Variants in ZC3H12B observed in about 807,000 individuals in gnomAD.
The protein encoded by ZC3H12B is zinc finger CCCH-type containing 12B.
Under a neutral mutation model 43.9 loss-of-function variants are expected in ZC3H12B, and 7 were observed. That is an observed-to-expected ratio of 0.16 (90% CI 0.09 to 0.30). The LOEUF is 0.30. Ranked by LOEUF, ZC3H12B falls within the 10% of genes least tolerant of loss-of-function variation. ZC3H12B has a pLI of 1.00. For synonymous variants in ZC3H12B, 222 were observed against 241.7 expected, an observed-to-expected ratio of 0.92 and a Z score of 0.76; for missense variants, 475 against 670.2, an observed-to-expected ratio of 0.71 and a Z score of 3.22.
At chrX:65,085,771 G>GAA in the ZC3H12B span, among the ~76,000 whole-genome samples, 1 of 91,624 alleles carries the variant, frequency 1.1e-5, no homozygotes, top group African/African-American at 4.0e-5. Flanking sequence ...CTCGAAAAAA[G>GAA]AAAAAAAAAA....
chrX:65,116,233 A>G, the ZC3H12B span, among the ~76,000 whole-genome samples: 1 of 111,607 alleles, frequency 9.0e-6, no homozygotes, highest in Non-Finnish European at 1.9e-5. Flanking sequence ...GTATAAGGTA[A>G]GAGATGAGAT....
At chrX:65,111,586 G>A in the ZC3H12B span, among the ~76,000 whole-genome samples, 1 of 107,107 alleles carries the variant, frequency 9.3e-6, no homozygotes, top group Admixed American at 1.0e-4. Context: ...AAGGGTTTTG[G>A]CAACTCTATG....
chrX:65,135,309 A>G, the ZC3H12B span, among the ~76,000 whole-genome samples: 1 of 110,636 alleles, frequency 9.0e-6, no homozygotes, highest in Non-Finnish European at 1.9e-5. Context: ...ACTCAAGAGG[A>G]GAAGGGAAAC....
chrX:65,307,385 T>A, the ZC3H12B span, among the ~76,000 whole-genome samples: 81 of 111,813 alleles, frequency 7.2e-4, no homozygotes, highest in African/African-American at 2.5e-3. Flanking sequence ...TTTGAAACAT[T>A]GAATTTAAGT....
chrX:65,151,620 G>C, the ZC3H12B span, among the ~76,000 whole-genome samples: 41 of 111,691 alleles, frequency 3.7e-4, 1 homozygote, highest in Admixed American at 3.7e-3. Context: ...GTATAACTTT[G>C]TGGTTTTTTT....
At chrX:65,049,636 A>T in the ZC3H12B span, among the ~76,000 whole-genome samples, 1 of 111,158 alleles carries the variant, frequency 9.0e-6, no homozygotes, top group Non-Finnish European at 1.9e-5. Context: ...CTTTCTCAAT[A>T]TTGTTTTGGC....
the ZC3H12B span, among the ~76,000 whole-genome samples, chrX:65,058,236 A>G: frequency 9.0e-6 from 1 of 110,730 alleles, no homozygotes; most frequent in Non-Finnish European, 1.9e-5. Context: ...GTCTTTGATG[A>G]TGGTGACATA....
the ZC3H12B span, among the ~76,000 whole-genome samples, chrX:65,047,998 C>T: frequency 9.0e-6 from 1 of 111,107 alleles, no homozygotes; most frequent in East Asian, 2.8e-4. Flanking sequence ...AAATTATATG[C>T]ACATTAATGT....
chrX:65,162,301 T>G, the ZC3H12B span, among the ~76,000 whole-genome samples: 2 of 111,648 alleles, frequency 1.8e-5, no homozygotes, highest in Non-Finnish European at 3.8e-5. Context: ...TTCCTGAATC[T>G]GAATGCTGGC....
chrX:65,224,937 C>T, the ZC3H12B span, among the ~76,000 whole-genome samples: 1 of 112,194 alleles, frequency 8.9e-6, no homozygotes, highest in Non-Finnish European at 1.9e-5. Context: ...GGCTCCAACT[C>T]TGGGGGAGGG....
At chrX:65,335,074 A>G in the ZC3H12B span, among the ~76,000 whole-genome samples, 1 of 111,836 alleles carries the variant, frequency 8.9e-6, no homozygotes. Context: ...CCTAGTTATT[A>G]TACATGAAAG....
the ZC3H12B span, among the ~76,000 whole-genome samples, chrX:65,117,386 C>T: frequency 1.3e-4 from 14 of 111,792 alleles, 1 homozygote; most frequent in East Asian, 2.8e-4. Flanking sequence ...TCATATCCTT[C>T]GCCCACTTTT....
chrX:65,506,584 C>A (rs1317326067), exon 5 of ZC3H12B: 2 of 112,305 alleles, frequency 1.8e-5, no homozygotes, highest in Non-Finnish European at 3.8e-5. Flanking sequence ...TTTCAAAAAA[C>A]AGTGTATTTT....
At chrX:65,277,394 C>A in the ZC3H12B span, among the ~76,000 whole-genome samples, 3 of 111,431 alleles carry the variant, frequency 2.7e-5, no homozygotes, top group Admixed American at 9.5e-5. Context: ...AAATATTTCA[C>A]CCAATAGCTG....
chrX:65,467,009 G>C (rs1292500399), intron 3 of ZC3H12B, among the ~76,000 whole-genome samples: 1 of 85,784 alleles, frequency 1.2e-5, no homozygotes, highest in Non-Finnish European at 2.3e-5. Flanking sequence ...TTACATGGAT[G>C]AATTGTATAG....
the ZC3H12B span, among the ~76,000 whole-genome samples, chrX:65,247,565 G>A: frequency 1.8e-5 from 2 of 112,685 alleles, no homozygotes; most frequent in African/African-American, 6.4e-5. Flanking sequence ...CTGTAAAAAA[G>A]AATGAGATAA....
chrX:65,139,792 G>T, the ZC3H12B span, among the ~76,000 whole-genome samples: 4 of 111,194 alleles, frequency 3.6e-5, no homozygotes, highest in African/African-American at 1.3e-4. Flanking sequence ...TAGTATAGAG[G>T]TATTTGACCT....
chrX:65,226,635 C>A, the ZC3H12B span, among the ~76,000 whole-genome samples: 8 of 110,963 alleles, frequency 7.2e-5, no homozygotes, highest in Non-Finnish European at 1.3e-4. Context: ...TTCAGGAAAC[C>A]CATCTCACGT....
chrX:65,370,865 A>T (rs1451844555), intron 2 of ZC3H12B, among the ~76,000 whole-genome samples: 1 of 112,379 alleles, frequency 8.9e-6, no homozygotes, highest in Non-Finnish European at 1.9e-5. Context: ...CAACAGGACC[A>T]TTTAGGTAAG....
Sources: allele counts gnomAD v4.1 joint callset (sites outside exome capture counted in the v4.1 genomes callset), GRCh38; gene constraint gnomAD v4.1.1; transcripts MANE v1.5; gene names NCBI Gene and HGNC (gene_info 2026-07-23, HGNC 2026-07-21).